The following KCNH1 variants were observed in gnomAD, a reference collection of about 807,000 sequenced individuals.
The protein encoded by KCNH1 is voltage-gated delayed rectifier potassium channel KCNH1.
In KCNH1, 27 loss-of-function variants were observed where a neutral mutation model predicts 69.2. That is an observed-to-expected ratio of 0.39 (90% CI 0.29 to 0.54). The LOEUF is 0.54. KCNH1 is among the 20% of genes least tolerant of loss of function. The probability of loss-of-function intolerance (pLI) is 0.68; values close to 1 mark genes in which losing one functional copy is unlikely to be tolerated. For missense variants in KCNH1, 798 were observed against 1,261.6 expected (o/e 0.63, Z 5.57); for synonymous variants, 456 against 487.7 (o/e 0.93, Z 0.86).
intron 6 of KCNH1, among the ~76,000 whole-genome samples, chr1:211,003,202 C>T (rs1689221698): frequency 6.6e-6 from 1 of 151,292 alleles, no homozygotes; most frequent in East Asian, 2.0e-4. Flanking sequence ...GTAAGGATTC[C>T]TATAAACCCC....
chr1:210,883,562 A>C (rs1479470721), intron 7 of KCNH1, among the ~76,000 whole-genome samples: 1 of 152,236 alleles, frequency 6.6e-6, no homozygotes, highest in Non-Finnish European at 1.5e-5. Flanking sequence ...TCCACCATTT[A>C]CTAGCTATGT....
intron 1 of KCNH1, among the ~76,000 whole-genome samples, chr1:211,129,766 C>G (rs1691844492): frequency 6.6e-6 from 1 of 152,204 alleles, no homozygotes. Context: ...GGTTCTCATC[C>G]TGTTTGCTAA....
chr1:210,944,269 G>C (rs1687921006), intron 6 of KCNH1, among the ~76,000 whole-genome samples: 1 of 152,200 alleles, frequency 6.6e-6, no homozygotes, highest in African/African-American at 2.4e-5. Flanking sequence ...GCATTAGTTA[G>C]AAATGGCTTT....
At chr1:210,823,244 GA>G (rs890347464) in intron 7 of KCNH1, among the ~76,000 whole-genome samples, 3 of 148,946 alleles carry the variant, frequency 2.0e-5, no homozygotes, top group Admixed American at 6.7e-5. Flanking sequence ...TTATCTGAGT[GA>G]AAAAAAAACA....
intron 9 of KCNH1, among the ~76,000 whole-genome samples, chr1:210,795,187 G>A (rs1684284355): frequency 6.6e-6 from 1 of 152,046 alleles, no homozygotes; most frequent in Non-Finnish European, 1.5e-5. Flanking sequence ...GTCTCCTTCT[G>A]TCACTCAGGC....
At chr1:211,087,983 G>A (rs1246644723) in intron 4 of KCNH1, among the ~76,000 whole-genome samples, 1 of 152,120 alleles carries the variant, frequency 6.6e-6, no homozygotes, top group African/African-American at 2.4e-5. Flanking sequence ...CTTTGTGGGC[G>A]ATTTGTGGGA....
chr1:211,059,581 A>C (rs953876139), intron 5 of KCNH1, among the ~76,000 whole-genome samples: 4 of 151,954 alleles, frequency 2.6e-5, no homozygotes, highest in Non-Finnish European at 4.4e-5. Context: ...TCTCTACTAA[A>C]AAATATAAAA....
chr1:210,785,629 C>T (rs1199858519), intron 9 of KCNH1, among the ~76,000 whole-genome samples: 1 of 152,118 alleles, frequency 6.6e-6, no homozygotes, highest in Non-Finnish European at 1.5e-5. Flanking sequence ...TTGTGATCTG[C>T]CTGCCTCAGC....
At chr1:210,859,884 G>T in intron 7 of KCNH1, 1 of 1,248,792 alleles carries the variant, frequency 8.0e-7, no homozygotes, top group South Asian at 1.2e-5. Flanking sequence ...ATTTTCTAAG[G>T]TATTTAGTAA....
At chr1:211,026,180 C>T (rs114858124) in intron 5 of KCNH1, among the ~76,000 whole-genome samples, 206 of 152,198 alleles carry the variant, frequency 1.4e-3, no homozygotes, top group African/African-American at 4.7e-3. Flanking sequence ...TTTCCCTATT[C>T]CTCCCTCTAA....
At chr1:211,105,120 G>A (rs781142671) in intron 2 of KCNH1, among the ~76,000 whole-genome samples, 1 of 152,196 alleles carries the variant, frequency 6.6e-6, no homozygotes, top group Non-Finnish European at 1.5e-5. Context: ...ACGCACTCAT[G>A]TAGTTCTCTG....
rs1690288065 is a variant in KCNH1 at position 211,055,552 on chromosome 1, G to C, written c.558+27228C>G. The stretch of plus-strand genomic sequence containing the variant: ...TGGACTCGAAGATAATGAGTGTGGG[G>C]TGAATGTGACCCAGTAAGATACCAG... On this transcript the variant is annotated intron_variant, in intron 5 of 10. Transcript: ENST00000271751. Among the ~76,000 whole-genome samples, 3 of 152,200 alleles carry C rather than the reference G, an allele frequency of 2.0e-5. No homozygotes were observed. In the South Asian group the frequency reaches 6.2e-4, roughly 32 times the overall value.
intron 6 of KCNH1, among the ~76,000 whole-genome samples, chr1:210,931,511 T>C (rs11119633): frequency 0.77 from 117,675 of 151,874 alleles, 46,335 homozygotes; most frequent in East Asian, 0.91. Flanking sequence ...TTTGGGGACT[T>C]GGGGGAAAGG....
intron 5 of KCNH1, among the ~76,000 whole-genome samples, chr1:211,069,882 A>G (rs1690605089): frequency 6.6e-6 from 1 of 152,214 alleles, no homozygotes; most frequent in South Asian, 2.1e-4. Context: ...TACGGTAGTA[A>G]GTGATAAAAT....
rs548826126 is a variant in KCNH1, at chr1:210,941,609, C to A, written c.1033-21540G>T. 3.9e-5 allele frequency among the ~76,000 whole-genome samples: 6 copies of A among 152,248 alleles called. No individual in the cohort carries two copies. In the South Asian group the frequency reaches 6.2e-4, roughly 16 times the overall value. On this transcript the variant is annotated intron_variant, in intron 6 of 10. Transcript: ENST00000271751. ...CAAACCAAAGCTCTGCGAGGCAGAG[C>A]ACCCTCAGAAAAAGAGCTTGGCAAG...
At chr1:211,034,259 A>G (rs965985293) in intron 5 of KCNH1, among the ~76,000 whole-genome samples, 1 of 152,218 alleles carries the variant, frequency 6.6e-6, no homozygotes, top group East Asian at 1.9e-4. Flanking sequence ...AGCAATAAAA[A>G]TATAAAAACT....
chr1:210,943,436 C>A (rs1687906806), intron 6 of KCNH1, among the ~76,000 whole-genome samples: 1 of 152,084 alleles, frequency 6.6e-6, no homozygotes, highest in South Asian at 2.1e-4. Flanking sequence ...GCAAGCTCTG[C>A]CTCCCGGGTT....
chr1:211,092,599 A>T (rs977322888), intron 3 of KCNH1, among the ~76,000 whole-genome samples: 1 of 152,214 alleles, frequency 6.6e-6, no homozygotes, highest in African/African-American at 2.4e-5. Flanking sequence ...TAAAAATCAC[A>T]AATAGCATTT....
rs529961398 is a variant in KCNH1, at chr1:211,060,970, T to A, written c.558+21810A>T. On this transcript the variant is annotated intron_variant, in intron 5 of 10. Coordinates refer to ENST00000271751, the MANE Select transcript of KCNH1 (RefSeq NM_172362.3). ...CCAAACTCATTCTACAAGGACAGTA[T>A]TACCCTGATACCAAAATCAGACAAA... Among the ~76,000 whole-genome samples, 3 of 152,266 alleles carry A rather than the reference T, an allele frequency of 2.0e-5. No homozygotes were observed. The East Asian group carries it at 5.8e-4, about 29-fold the overall frequency.
Sources: allele counts gnomAD v4.1 joint callset (sites outside exome capture counted in the v4.1 genomes callset), GRCh38; gene constraint gnomAD v4.1.1; transcripts MANE v1.5; gene names NCBI Gene and HGNC (gene_info 2026-07-23, HGNC 2026-07-21).